MTMR14: variants seen among roughly 807,000 people sequenced by gnomAD.
MTMR14 encodes myotubularin related protein 14, also known as phosphatidylinositol-3,5-bisphosphate 3-phosphatase MTMR14.
In MTMR14, 48 loss-of-function variants were observed where a neutral mutation model predicts 86.3. The ratio of observed to expected loss-of-function variants is 0.56; its 90% CI spans 0.44 to 0.71. MTMR14 has a LOEUF of 0.71. MTMR14 is among the 30% of genes least tolerant of loss of function. MTMR14 has a pLI of 0.00. For missense variants in MTMR14, 780 were observed against 834.6 expected, an observed-to-expected ratio of 0.93 and a Z score of 0.81; for synonymous variants, 366 against 326.1, an observed-to-expected ratio of 1.12 and a Z score of -1.32.
chr3:9,694,458 A>G (rs1334439073), intron 17 of MTMR14, among the ~76,000 whole-genome samples: 1 of 152,250 alleles, frequency 6.6e-6, no homozygotes, highest in Non-Finnish European at 1.5e-5. Context: ...GCTGAGCACC[A>G]TAGTGAGACC....
At chr3:9,683,088 C>T in intron 9 of MTMR14, 90 bp from the exon 10 acceptor site, 1 of 1,229,314 alleles carries the variant, frequency 8.1e-7, no homozygotes, top group Non-Finnish European at 1.2e-6. Flanking sequence ...GTAGTTGTTG[C>T]CCCAGAATAA....
intron 3 of MTMR14, among the ~76,000 whole-genome samples, chr3:9,663,850 C>T (rs1280534490): frequency 7.0e-6 from 1 of 143,150 alleles, no homozygotes; most frequent in Non-Finnish European, 1.5e-5. Context: ...GTGCAGTGGC[C>T]CAAGCTTGGC....
At chr3:9,672,044 G>C (rs1437987287) in intron 6 of MTMR14, among the ~76,000 whole-genome samples, 1 of 152,044 alleles carries the variant, frequency 6.6e-6, no homozygotes, top group East Asian at 1.9e-4. Context: ...GAAGACAGGA[G>C]AGCAGAAAAA....
intron 2 of MTMR14, among the ~76,000 whole-genome samples, chr3:9,655,652 A>G (rs951669662): frequency 6.6e-6 from 1 of 150,792 alleles, no homozygotes; most frequent in Non-Finnish European, 1.5e-5. Flanking sequence ...TAGTAGAGAC[A>G]GGGTTTCACC....
At position 9,701,151 on chromosome 3, in the gene MTMR14, T is replaced by A. The variant is rs955818310; in HGVS notation, c.1770-639T>A. 1 of 159,084 alleles carries A rather than the reference T, an allele frequency of 6.3e-6. No homozygotes were observed. The highest frequency in any genetic ancestry group is 2.4e-5 in the African/African-American group (1 of 41,480). The allele number at this position is 159,084 out of a possible 1,614,324, so 9.9% of individuals were successfully genotyped here. A position where few individuals can be genotyped will look rare whatever the true frequency, so the allele number is the denominator to read the frequency against. On this transcript the variant is annotated intron_variant, in intron 18 of 18. Coordinates refer to ENST00000296003, the MANE Select transcript of MTMR14 (RefSeq NM_001077525.3). This position sits in a 1 kb window ranked among gnomAD's most constrained non-coding sequence, Gnocchi z 4.2. ...TCAGGGGCCTCCTTACTGTTAGGTA[T>A]AAGACTTCATGCCTCAGCTTGCTCT... is the stretch of plus-strand genomic sequence containing the variant.
chr3:9,675,717 C>G (rs2075547805), intron 7 of MTMR14: 1 of 456,900 alleles, frequency 2.2e-6, no homozygotes, highest in Non-Finnish European at 4.4e-6. Flanking sequence ...TATTTTAATT[C>G]TGTTTCTCAC....
intron 7 of MTMR14, among the ~76,000 whole-genome samples, chr3:9,675,896 T>C (rs1411137148): frequency 6.6e-6 from 1 of 152,182 alleles, no homozygotes; most frequent in East Asian, 1.9e-4. Flanking sequence ...AGATCTATAA[T>C]TCTTCTTTCT....
chr3:9,679,075 A>G (rs907270538), intron 9 of MTMR14, among the ~76,000 whole-genome samples: 3 of 152,204 alleles, frequency 2.0e-5, no homozygotes, highest in African/African-American at 7.2e-5. Context: ...CTAGATCACC[A>G]ATGTCAGTAC....
intron 9 of MTMR14, among the ~76,000 whole-genome samples, chr3:9,681,440 A>G (rs1312268827): frequency 1.3e-5 from 2 of 152,184 alleles, no homozygotes; most frequent in Non-Finnish European, 2.9e-5. Flanking sequence ...TGGGGATTAG[A>G]CTAGGAAAAG....
At chr3:9,685,345 C>A in intron 13 of MTMR14, 98 bp downstream of exon 13, 1 of 1,464,008 alleles carries the variant, frequency 6.8e-7, no homozygotes, top group Non-Finnish European at 9.6e-7. Context: ...CAGCTCCTTG[C>A]CCCAGGTGTG....
intron 3 of MTMR14, among the ~76,000 whole-genome samples, chr3:9,667,082 A>G (rs17050489): frequency 0.02 from 3,078 of 152,354 alleles, 141 homozygotes; most frequent in Admixed American, 0.11. Context: ...TGGAAGAATA[A>G]TTGGGAACAG....
At chr3:9,678,749 C>G (rs1213999493) in intron 9 of MTMR14, among the ~76,000 whole-genome samples, 1 of 152,188 alleles carries the variant, frequency 6.6e-6, no homozygotes, top group African/African-American at 2.4e-5. Flanking sequence ...TTATCCCTGG[C>G]GAGTTGGATG....
chr3:9,657,903 C>T (rs1381402638), intron 2 of MTMR14, among the ~76,000 whole-genome samples: 1 of 152,052 alleles, frequency 6.6e-6, no homozygotes, highest in African/African-American at 2.4e-5. Context: ...TTGCCTTTGC[C>T]GAAGATCACA....
intron 7 of MTMR14, among the ~76,000 whole-genome samples, chr3:9,676,076 G>C (rs1172970696): frequency 6.6e-6 from 1 of 152,166 alleles, no homozygotes; most frequent in African/African-American, 2.4e-5. Flanking sequence ...GGTGGCCTCA[G>C]ACAGGAACTT....
Position 9,663,674 on chromosome 3 carries a change from C to T in MTMR14, c.417+1299C>T, listed in dbSNP as rs577280772. 1.3e-4 allele frequency among the ~76,000 whole-genome samples: 20 copies of T among 150,714 alleles called. No individual in the cohort carries two copies. The South Asian group carries it at 1.9e-3, about 14-fold the overall frequency. On this transcript the variant is annotated intron_variant, in intron 3 of 18. Transcript: ENST00000296003. The stretch of plus-strand genomic sequence containing the variant: ...GACTACAGGCACCCGCCACCACGCC[C>T]GGCTAATTTTTTGCATTTTCAGTAG...
intron 9 of MTMR14, among the ~76,000 whole-genome samples, chr3:9,681,383 T>C (rs2075762912): frequency 6.6e-6 from 1 of 152,186 alleles, no homozygotes; most frequent in Non-Finnish European, 1.5e-5. Context: ...GACCTCCTAG[T>C]CCCTGAACAC....
chr3:9,652,864 C>T (rs1471641153), intron 1 of MTMR14, among the ~76,000 whole-genome samples: 1 of 152,072 alleles, frequency 6.6e-6, no homozygotes, highest in Admixed American at 6.6e-5. Context: ...CTCACTTGAA[C>T]CCAGGAGGCT....
At chr3:9,668,015 C>T (rs1436870695) in intron 3 of MTMR14, among the ~76,000 whole-genome samples, 2 of 152,160 alleles carry the variant, frequency 1.3e-5, no homozygotes, top group Non-Finnish European at 2.9e-5. Flanking sequence ...GGTATCTCCT[C>T]CCATTCCCCC....
rs1351822810 is a variant in MTMR14, at chr3:9,669,512, G to GGT, written c.554+21_554+22dup. ...TCTTCGGTCAGTGCTGGGTTGCTGT[G>GGT]GTCAGGGGCTTGTGTTGGGGATGGG... is the stretch of plus-strand genomic sequence containing the variant. On this transcript the variant is annotated intron_variant, in intron 5 of 18. Coordinates refer to ENST00000296003, the MANE Select transcript of MTMR14 (RefSeq NM_001077525.3). 6.2e-7 allele frequency: 1 copy of GGT among 1,608,626 alleles called. No homozygotes were observed. Among genetic ancestry groups the GGT allele is most frequent in the South Asian group, 1.1e-5 (1 of 90,532 alleles).
Sources: gnomAD v4.1 joint callset for allele counts (sites outside exome capture counted in the v4.1 genomes callset) on GRCh38, gnomAD v4.1.1 for gene constraint, Gnocchi (gnomAD v3.1) non-coding constraint, MANE v1.5 for transcripts, NCBI Gene and HGNC (gene_info 2026-07-23, HGNC 2026-07-21) for gene names.